Variants in C11orf54 observed in about 807,000 individuals in gnomAD.
C11orf54 encodes the protein beta-keto L-gulonate decarboxylase.
A neutral mutation model predicts 35.5 loss-of-function variants in C11orf54; 29 were observed. The observed-to-expected ratio is 0.82, with a 90% CI of 0.61 to 1.11. The LOEUF is 1.11. C11orf54 is among the 50% of genes most tolerant of loss of function. The probability of loss-of-function intolerance (pLI) is 0.00; values close to 1 mark genes in which losing one functional copy is unlikely to be tolerated. For missense variants in C11orf54, 373 were observed against 369.2 expected, an observed-to-expected ratio of 1.01 and a Z score of -0.08; for synonymous variants, 108 against 121.1, an observed-to-expected ratio of 0.89 and a Z score of 0.71.
Position 93,763,151 on chromosome 11 carries a change from T to G in C11orf54, c.*1463T>G, listed in dbSNP as rs1943548130. The G allele has an allele frequency of 1.3e-5, 2 of 152,194 alleles. 1 individual carries two copies. Among genetic ancestry groups the G allele is most frequent in the South Asian group, 4.1e-4 (2 of 4,836 alleles). 9.4% of individuals were successfully genotyped at this position (152,194 alleles called of 1,614,324 possible). A position where few individuals can be genotyped will look rare whatever the true frequency, so the allele number is the denominator to read the frequency against. On this transcript the variant is annotated 3_prime_UTR_variant, in exon 9 of 9. Transcript: ENST00000354421. ...AGTCTATCATTTAACAAATATGTAT[T>G]GAACACCTACCCTTCTCTCTGGAGT... is the stretch of plus-strand genomic sequence containing the variant.
chr11:93,760,458 CTGACT>C (rs1195137044), intron 8 of C11orf54, among the ~76,000 whole-genome samples: 1 of 152,050 alleles, frequency 6.6e-6, no homozygotes, highest in Non-Finnish European at 1.5e-5. Flanking sequence ...ACTGAGGAGG[CTGACT>C]TGAACCCAGA....
At chr11:93,746,414 A>C (rs1409697331) in intron 1 of C11orf54, 1 of 152,132 alleles carries the variant, frequency 6.6e-6, no homozygotes, top group Admixed American at 6.6e-5. Context: ...ACCTCATATT[A>C]CTTATATTTT....
chr11:93,749,676 G>A (rs1942710751), intron 2 of C11orf54, among the ~76,000 whole-genome samples: 1 of 151,972 alleles, frequency 6.6e-6, no homozygotes, highest in African/African-American at 2.4e-5. Flanking sequence ...AAGAGAGAGG[G>A]AAATACATTG....
intron 8 of C11orf54, among the ~76,000 whole-genome samples, chr11:93,760,330 C>G (rs1250911473): frequency 3.3e-5 from 5 of 152,142 alleles, no homozygotes; most frequent in Non-Finnish European, 5.9e-5. Flanking sequence ...ATGAGTTAGG[C>G]AGAGCAGATT....
intron 1 of C11orf54, among the ~76,000 whole-genome samples, chr11:93,744,898 G>GA (rs1358158639): frequency 6.6e-6 from 1 of 152,180 alleles, no homozygotes; most frequent in Non-Finnish European, 1.5e-5. Flanking sequence ...CTCGGCAAGG[G>GA]AACTGCGGTG....
intron 3 of C11orf54, among the ~76,000 whole-genome samples, chr11:93,752,021 A>T (rs1942862484): frequency 6.6e-6 from 1 of 151,548 alleles, no homozygotes; most frequent in East Asian, 2.0e-4. Flanking sequence ...TAATTTTTGT[A>T]TTTTTAGTAG....
rs1398464509 is a variant in C11orf54, at chr11:93,755,201, T to C, written c.331-9T>C. 1 of 1,612,912 alleles carries C rather than the reference T, an allele frequency of 6.2e-7. No individual in the cohort carries two copies. Among genetic ancestry groups the C allele is most frequent in the Non-Finnish European group, 8.5e-7 (1 of 1,179,280 alleles). On this transcript the variant is annotated splice_polypyrimidine_tract_variant and intron_variant, in intron 5 of 8. Coordinates refer to ENST00000354421, the MANE Select transcript of C11orf54 (RefSeq NM_001286069.2). ...CAAAGATTGACTAATTGCCTCACTT[T>C]CTTTTCAGTTTATGCCAGTTATTCA...
chr11:93,743,766 G>A (rs1208221173), intron 1 of C11orf54, among the ~76,000 whole-genome samples: 3 of 152,140 alleles, frequency 2.0e-5, no homozygotes, highest in African/African-American at 7.2e-5. Flanking sequence ...CACTCAAATG[G>A]TAACCAGTTT....
chr11:93,748,676 A>C (rs1287182941), intron 2 of C11orf54, among the ~76,000 whole-genome samples: 1 of 151,762 alleles, frequency 6.6e-6, no homozygotes, highest in Non-Finnish European at 1.5e-5. Flanking sequence ...TCTCTACTAA[A>C]AATACAAAAA....
intron 7 of C11orf54, 128 bp downstream of exon 7, chr11:93,757,593 A>T: frequency 9.7e-7 from 1 of 1,035,514 alleles, no homozygotes; most frequent in Non-Finnish European, 1.4e-6. Context: ...GTAGTGGCAC[A>T]ATCTTGGCTC....
chr11:93,753,324 A>G (rs532966340), intron 3 of C11orf54, among the ~76,000 whole-genome samples: 2 of 107,772 alleles, frequency 1.9e-5, no homozygotes, highest in South Asian at 6.3e-4. Flanking sequence ...ACAAGAAACA[A>G]TTTTAGCCAA....
Position 93,741,714 on chromosome 11 carries a change from A to G in C11orf54, c.-112A>G. On this transcript the variant is annotated 5_prime_UTR_variant, in exon 1 of 9. Coordinates refer to ENST00000354421, the MANE Select transcript of C11orf54 (RefSeq NM_001286069.2). ...AGATCCGGACTCTGGGTGTTTTGCT[A>G]CCGTGACCGTTTAGGTGAGTGGAAT... is the stretch of plus-strand genomic sequence containing the variant. 5.6e-6 allele frequency: 2 copies of G among 354,288 alleles called. No individual in the cohort carries two copies. The highest frequency in any genetic ancestry group is 1.1e-5 in the Non-Finnish European group (2 of 179,686). The allele number at this position is 354,288 out of a possible 1,614,324, so 21.9% of individuals were successfully genotyped here. A position where few individuals can be genotyped will look rare whatever the true frequency, so the allele number is the denominator to read the frequency against.
In C11orf54 at chr11:93,749,504, C is replaced by CAAAA. The variant is rs10624807; in HGVS notation, c.56-822_56-819dup. ...AGGCTATCAGAGTGAGACTCTGTCT[C>CAAAA]AAAAAAAAAAAAAAAAAAAAAAACT... On this transcript the variant is annotated intron_variant, in intron 2 of 8. Coordinates refer to ENST00000354421, the MANE Select transcript of C11orf54 (RefSeq NM_001286069.2). 3.1e-3 allele frequency among the ~76,000 whole-genome samples: 218 copies of CAAAA among 71,182 alleles called. 4 individuals carry two copies. The highest frequency in any genetic ancestry group is 0.021 in the Middle Eastern group (2 of 94). 46.7% of individuals were successfully genotyped at this position (71,182 alleles called of 152,430 possible).
chr11:93,752,812 G>A (rs577083834), intron 3 of C11orf54, among the ~76,000 whole-genome samples: 100 of 142,444 alleles, frequency 7.0e-4, no homozygotes, highest in Non-Finnish European at 5.8e-4. Flanking sequence ...GCAGTGGCGC[G>A]ATCTCGGCTC....
rs1280452969 is a variant in C11orf54 at position 93,756,153 on chromosome 11, CAAGACTCTGTCTCCAA to C, written c.507+770_507+785del. 6.9e-4 allele frequency among the ~76,000 whole-genome samples: 67 copies of C among 97,072 alleles called. 2 individuals are homozygous for C. The highest frequency in any genetic ancestry group is 6.8e-3 in the Middle Eastern group (1 of 146). The allele number at this position is 97,072 out of a possible 152,430, so 63.7% of individuals were successfully genotyped here. ...TTGCACTCCAGCCTGGGCAACAAAG[CAAGACTCTGTCTCCAA>C]AAAAAAAAAAAAAAAAAAAAAGAAT... On this transcript the variant is annotated intron_variant, in intron 6 of 8. Coordinates refer to ENST00000354421, the MANE Select transcript of C11orf54 (RefSeq NM_001286069.2).
intron 7 of C11orf54, among the ~76,000 whole-genome samples, chr11:93,759,425 C>T (rs1436113998): frequency 6.6e-6 from 1 of 152,024 alleles, no homozygotes; most frequent in East Asian, 1.9e-4. Context: ...TGTTCTCACT[C>T]ATAAGTGGGT....
At chr11:93,747,689 T>G (rs1384901271) in intron 2 of C11orf54, among the ~76,000 whole-genome samples, 1 of 152,216 alleles carries the variant, frequency 6.6e-6, no homozygotes, top group Non-Finnish European at 1.5e-5. Flanking sequence ...CTTTTTTCTT[T>G]CACTTATAGA....
rs1943538731 is a variant in C11orf54, at chr11:93,762,906, G to A, written c.*1218G>A. ...ATTAGCCAAAGATCAACTCTCTAAT[G>A]GTGCTAATGGCAATCTAGCTAATGT... On this transcript the variant is annotated 3_prime_UTR_variant, in exon 9 of 9. Transcript: ENST00000354421. 1 of 152,136 alleles carries A rather than the reference G, an allele frequency of 6.6e-6. No individual in the cohort carries two copies. The highest frequency in any genetic ancestry group is 1.5e-5 in the Non-Finnish European group (1 of 68,028). The allele number at this position is 152,136 out of a possible 1,614,324, so 9.4% of individuals were successfully genotyped here.
chr11:93,752,779 C>T (rs993971766), intron 3 of C11orf54, among the ~76,000 whole-genome samples: 58 of 127,730 alleles, frequency 4.5e-4, no homozygotes, highest in African/African-American at 1.7e-3. Flanking sequence ...GACGGAGTCT[C>T]GCTCTGTCAC....
Sources: allele counts gnomAD v4.1 joint callset (sites outside exome capture counted in the v4.1 genomes callset), GRCh38; gene constraint gnomAD v4.1.1; transcripts MANE v1.5; gene names NCBI Gene and HGNC (gene_info 2026-07-23, HGNC 2026-07-21).